Variants in RIMS1 observed in about 807,000 individuals in gnomAD.
The protein encoded by RIMS1 is regulating synaptic membrane exocytosis 1.
Under a neutral mutation model 214.1 loss-of-function variants are expected in RIMS1, and 83 were observed. The observed-to-expected ratio is 0.39, with a 90% confidence interval of 0.32 to 0.47. The LOEUF (loss-of-function observed/expected upper bound fraction) is 0.47, where lower values mean the gene tolerates loss of function less well. Ranked by LOEUF, RIMS1 falls within the 20% of genes least tolerant of loss-of-function variation. The pLI is 0.99. For synonymous variants in RIMS1, 793 were observed against 786.8 expected (o/e 1.01, Z -0.13); for missense variants, 2,050 against 2,161.8 (o/e 0.95, Z 1.03).
At chr6:72,278,663 T>G (rs909039661) in intron 23 of RIMS1, among the ~76,000 whole-genome samples, 1 of 152,102 alleles carries the variant, frequency 6.6e-6, no homozygotes, top group Non-Finnish European at 1.5e-5. Flanking sequence ...AAAATACTCT[T>G]TCTTTGAATG....
At position 72,031,611 on chromosome 6, in the gene RIMS1, G is replaced by T. The variant is rs79817231; in HGVS notation, c.245+62548G>T. 7.3e-3 allele frequency among the ~76,000 whole-genome samples: 1,115 copies of T among 152,220 alleles called. 13 individuals are homozygous for T. Among genetic ancestry groups the T allele is most frequent in the East Asian group, 0.055 (286 of 5,178 alleles). On this transcript the variant is annotated intron_variant, in intron 2 of 33. Transcript: ENST00000521978. ...AAAATTTCATATGAGTAAACACTCA[G>T]AAAGCAATAAAAACAAACCTACGGC... is the stretch of plus-strand genomic sequence containing the variant.
Position 72,234,393 on chromosome 6 carries a change from T to A in RIMS1, c.1746+553T>A, listed in dbSNP as rs531998051. Among the ~76,000 whole-genome samples, 48 of 152,064 alleles carry A rather than the reference T, an allele frequency of 3.2e-4. No homozygotes were observed. The Middle Eastern group carries it at 0.02, about 65-fold the overall frequency. On this transcript the variant is annotated intron_variant, in intron 7 of 33. Transcript: ENST00000521978. ...AAGCAAGTTGTTTATTTTTAAAAAA[T>A]TTAATAGGCCTTTTTCGAGCAGTTT... is the stretch of plus-strand genomic sequence containing the variant.
intron 2 of RIMS1, among the ~76,000 whole-genome samples, chr6:71,995,067 A>G (rs745421851): frequency 1.3e-5 from 2 of 152,034 alleles, no homozygotes; most frequent in African/African-American, 4.8e-5. Flanking sequence ...CATAGTGTAG[A>G]TCTAACACTC....
At chr6:72,213,661 G>A (rs183919643) in intron 6 of RIMS1, among the ~76,000 whole-genome samples, 1 of 152,234 alleles carries the variant, frequency 6.6e-6, no homozygotes, top group East Asian at 1.9e-4. Context: ...ATCATTAGTG[G>A]AATGTCAATG....
In RIMS1 at chr6:72,392,783, C is replaced by T. The variant is rs1308617795; in HGVS notation, c.4591C>T (p.Arg1531Cys). ...ATTGGGACCAGCCCAGCTTGTTGGC[C>T]GCCAAACCCTTGCCACCCCTGCAAT... ...DGLGPAQLVG[R>C]QTLATPAMGD... The change falls in exon 31 of 34, where the codon CGC becomes TGC. Residue 1531 changes from arginine (R) to cysteine (C), a missense_variant. This residue lies in a region of RIMS1 where 121 missense variants were observed against 187.3 expected (regional missense o/e 0.65). Coordinates refer to ENST00000521978, the MANE Select transcript of RIMS1 (RefSeq NM_014989.7). 4 of 1,613,078 alleles carry T rather than the reference C, an allele frequency of 2.5e-6. No homozygotes were observed. The highest frequency in any genetic ancestry group is 2.2e-5 in the South Asian group (2 of 90,950).
intron 1 of RIMS1, among the ~76,000 whole-genome samples, chr6:71,923,323 G>A (rs1275094591): frequency 6.6e-6 from 1 of 152,178 alleles, no homozygotes; most frequent in East Asian, 1.9e-4. Flanking sequence ...TTGATTGAAA[G>A]GCGTTAGAAT....
chr6:72,165,914 A>G (rs1588394664), intron 4 of RIMS1, among the ~76,000 whole-genome samples: 1 of 152,316 alleles, frequency 6.6e-6, no homozygotes, highest in East Asian at 1.9e-4. Context: ...TGGCACCTTA[A>G]CAATACTGAG....
intron 16 of RIMS1, among the ~76,000 whole-genome samples, chr6:72,257,826 A>G (rs902017243): frequency 2.0e-5 from 3 of 152,188 alleles, no homozygotes; most frequent in East Asian, 3.8e-4. Context: ...GAACTCGTTC[A>G]TTATTTAAAT....
rs1255698141 is a variant in RIMS1, at chr6:72,235,679, A to T, written c.1808A>T (p.Asn603Ile). 6.2e-7 allele frequency: 1 copy of T among 1,610,652 alleles called. No homozygotes were observed. Among genetic ancestry groups the T allele is most frequent in the Non-Finnish European group, 8.5e-7 (1 of 1,178,184 alleles). Residue 603 changes from asparagine (N) to isoleucine (I), a missense_variant, in exon 8 of 34, where the codon AAC becomes ATC. Physicochemically the swap from Asn to Ile is moderately radical, Grantham distance 149. Around this residue, in one of 6 missense-constraint regions of RIMS1, gnomAD observed 882 missense variants for 828.9 expected, o/e 1.06. Transcript: ENST00000521978. ...CGATTAATTGGACGTGTTATTCTTA[A>T]CAAGAGAACAACCATGCCCAAAGAC... ...GDRLIGRVIL[N>I]KRTTMPKDSG...
chr6:72,138,120 G>T (rs969945476), intron 4 of RIMS1, among the ~76,000 whole-genome samples: 3 of 151,964 alleles, frequency 2.0e-5, no homozygotes, highest in African/African-American at 4.8e-5. Flanking sequence ...GGTTCAAAAA[G>T]GTAGGTAGAC....
At chr6:72,332,818 A>G (rs1476634656) in intron 28 of RIMS1, among the ~76,000 whole-genome samples, 3 of 151,894 alleles carry the variant, frequency 2.0e-5, no homozygotes, top group Non-Finnish European at 2.9e-5. Flanking sequence ...GCATAAAATA[A>G]TTAACAATAA....
chr6:72,239,111 T>A (rs1373144443), intron 9 of RIMS1, among the ~76,000 whole-genome samples: 1 of 152,182 alleles, frequency 6.6e-6, no homozygotes, highest in African/African-American at 2.4e-5. Context: ...TGTGTGTTTG[T>A]CTAATGACTC....
At chr6:72,189,114 C>T (rs1185391074) in intron 6 of RIMS1, among the ~76,000 whole-genome samples, 2 of 152,190 alleles carry the variant, frequency 1.3e-5, no homozygotes, top group Non-Finnish European at 2.9e-5. Context: ...AGTGTTGCCA[C>T]TTCCACTTCT....
rs533154073 is a variant in RIMS1, at chr6:71,930,325, A to G, written c.165-38658A>G. Among the ~76,000 whole-genome samples the G allele has an allele frequency of 9.9e-5, 15 of 152,146 alleles. No individual in the cohort carries two copies. The East Asian group carries it at 2.9e-3, about 29-fold the overall frequency. On this transcript the variant is annotated intron_variant, in intron 1 of 33. Transcript: ENST00000521978. ...ATCTTCCATCTTAATTTATTTTAGAATATTTTTAAAATTGACATAACAGAC... is the reference window on the plus strand; with the variant it reads ...ATCTTCCATCTTAATTTATTTTAGAGTATTTTTAAAATTGACATAACAGAC...
At chr6:72,250,040 C>T (rs2072441040) in intron 12 of RIMS1, among the ~76,000 whole-genome samples, 1 of 151,802 alleles carries the variant, frequency 6.6e-6, no homozygotes, top group Non-Finnish European at 1.5e-5. Context: ...CTCCCTCTTC[C>T]CTTAGTTTTT....
intron 19 of RIMS1, chr6:72,263,570 CTT>C (rs2079003568): frequency 1.0e-6 from 1 of 985,126 alleles, no homozygotes; most frequent in Non-Finnish European, 1.2e-6. Context: ...AAAAAAATCA[CTT>C]TTGAAGCAAT....
intron 1 of RIMS1, among the ~76,000 whole-genome samples, chr6:71,937,858 A>G (rs1477377732): frequency 6.6e-6 from 1 of 152,216 alleles, no homozygotes; most frequent in Non-Finnish European, 1.5e-5. Context: ...CTTCTCACAT[A>G]CAAAATATAT....
chr6:72,013,938 G>T (rs1427364557), intron 2 of RIMS1, among the ~76,000 whole-genome samples: 3 of 152,030 alleles, frequency 2.0e-5, no homozygotes, highest in Non-Finnish European at 4.4e-5. Context: ...TGTCTCTGTG[G>T]ATTTGCTGAA....
At chr6:72,007,027 T>C (rs1272827873) in intron 2 of RIMS1, among the ~76,000 whole-genome samples, 1 of 152,176 alleles carries the variant, frequency 6.6e-6, no homozygotes, top group East Asian at 1.9e-4. Context: ...GACTGGCTTT[T>C]CAAGTGGGTC....
Sources: gnomAD v4.1 joint callset for allele counts (sites outside exome capture counted in the v4.1 genomes callset) on GRCh38, gnomAD v4.1.1 for gene constraint, gnomAD v4.1.1 regional missense constraint, MANE v1.5 for transcripts, NCBI Gene and HGNC (gene_info 2026-07-23, HGNC 2026-07-21) for gene names.